PRKN: variants seen among roughly 807,000 people sequenced by gnomAD.
PRKN encodes E3 ubiquitin-protein ligase parkin.
PRKN carries 56 observed loss-of-function variants against 59.5 expected under a neutral mutation model. The ratio of observed to expected loss-of-function variants is 0.94; its 90% CI spans 0.76 to 1.18. The LOEUF is 1.18. Ranked by LOEUF, PRKN falls within the 50% of genes most tolerant of loss-of-function variation. The pLI is 0.00. For synonymous variants in PRKN, 250 were observed against 222.1 expected, an observed-to-expected ratio of 1.13 and a Z score of -1.12; for missense variants, 657 against 596.4, an observed-to-expected ratio of 1.10 and a Z score of -1.06.
chr6:162,720,856 A>C (rs928436838), intron 1 of PRKN, among the ~76,000 whole-genome samples: 2 of 152,218 alleles, frequency 1.3e-5, no homozygotes, highest in Admixed American at 6.5e-5. Context: ...AGCTCTGATG[A>C]CATTGTTCTC....
At position 161,448,698 on chromosome 6, in the gene PRKN, G is replaced by A. The variant is rs980314002; in HGVS notation, c.1084-61821C>T. 1.5e-4 allele frequency among the ~76,000 whole-genome samples: 23 copies of A among 152,142 alleles called. No individual in the cohort carries two copies. The highest frequency in any genetic ancestry group is 3.4e-4 in the Non-Finnish European group (23 of 68,034). ...ATCTGCTTCCTCCTAATTTGTGGGG[G>A]CAAGAGGCTAGACATCTCTGGCTGG... On this transcript the variant is annotated intron_variant, in intron 9 of 11. Coordinates refer to ENST00000366898, the MANE Select transcript of PRKN (RefSeq NM_004562.3). The surrounding 1 kb of genome is among the most constrained non-coding windows in gnomAD (Gnocchi z 5.1).
At position 162,233,207 on chromosome 6, in the gene PRKN, A is replaced by G. The variant is rs76899302; in HGVS notation, c.412+29318T>C. On this transcript the variant is annotated intron_variant, in intron 3 of 11. Transcript: ENST00000366898. ...CCAAGAGGTTTTTAAAACATCTCCA[A>G]TATCTATATGTAAAGGTTATTCATT... is the stretch of plus-strand genomic sequence containing the variant. 5.4e-3 allele frequency among the ~76,000 whole-genome samples: 825 copies of G among 152,320 alleles called. 3 individuals are homozygous for G. Among genetic ancestry groups the G allele is most frequent in the Non-Finnish European group, 9.0e-3 (613 of 68,020 alleles).
intron 1 of PRKN, among the ~76,000 whole-genome samples, chr6:162,534,258 G>A (rs1310848183): frequency 6.6e-6 from 1 of 152,158 alleles, no homozygotes; most frequent in Admixed American, 6.5e-5. Flanking sequence ...AACCGGGGTA[G>A]GCGTACTCTC....
At chr6:162,692,781 G>A (rs1777829895) in intron 1 of PRKN, among the ~76,000 whole-genome samples, 1 of 152,070 alleles carries the variant, frequency 6.6e-6, no homozygotes. Context: ...GTATCATTTT[G>A]CTATATTAAG....
rs181879666 is a variant in PRKN, at chr6:162,305,833, A to G, written c.172-43068T>C. On this transcript the variant is annotated intron_variant, in intron 2 of 11. Coordinates refer to ENST00000366898, the MANE Select transcript of PRKN (RefSeq NM_004562.3). ...AAATTCTATATCTAAAACCATATAT[A>G]CATTTATCATATAGATACACCTATC... Among the ~76,000 whole-genome samples the G allele has an allele frequency of 2.0e-3, 309 of 152,248 alleles. 1 individual carries two copies. Among genetic ancestry groups the G allele is most frequent in the Non-Finnish European group, 3.6e-3 (246 of 68,008 alleles).
Position 162,044,280 on chromosome 6 carries a change from ACTT to A in PRKN, c.618+9808_618+9810del, listed in dbSNP as rs565836038. Among the ~76,000 whole-genome samples the A allele has an allele frequency of 1.8e-3, 277 of 152,278 alleles. 2 individuals are homozygous for A. Among genetic ancestry groups the A allele is most frequent in the African/African-American group, 6.6e-3 (273 of 41,556 alleles). On this transcript the variant is annotated intron_variant, in intron 5 of 11. Transcript: ENST00000366898. ...GAGATTACGCCTATTACGCTAATGA[ACTT>A]CTACAGGAACGAACAAACGAAAAGG...
At chr6:161,424,539 C>G (rs1224596674) in intron 9 of PRKN, among the ~76,000 whole-genome samples, 2 of 151,994 alleles carry the variant, frequency 1.3e-5, no homozygotes, top group African/African-American at 4.8e-5. Flanking sequence ...TTCAGATTGT[C>G]CTAGAACATG....
chr6:162,470,321 G>A (rs112099825), intron 1 of PRKN, among the ~76,000 whole-genome samples: 1 of 152,158 alleles, frequency 6.6e-6, no homozygotes, highest in Non-Finnish European at 1.5e-5. Context: ...TTTAGGCACC[G>A]TGGACACAGC....
intron 3 of PRKN, among the ~76,000 whole-genome samples, chr6:162,217,400 A>AT (rs1197897749): frequency 6.6e-6 from 1 of 152,154 alleles, no homozygotes; most frequent in African/African-American, 2.4e-5. Context: ...TGTTTGTTTG[A>AT]GACACAGTCT....
At chr6:162,382,841 T>G (rs115877713) in intron 2 of PRKN, among the ~76,000 whole-genome samples, 7 of 152,334 alleles carry the variant, frequency 4.6e-5, no homozygotes, top group African/African-American at 1.7e-4. Context: ...CTTTATCAGC[T>G]AAGTTATGCA....
At chr6:161,767,047 C>T (rs1024244270) in intron 7 of PRKN, among the ~76,000 whole-genome samples, 7 of 152,254 alleles carry the variant, frequency 4.6e-5, no homozygotes, top group South Asian at 2.1e-4. Flanking sequence ...TAGAAAGTAA[C>T]GTGACCAAAA....
At chr6:162,502,349 T>A (rs573424666) in intron 1 of PRKN, among the ~76,000 whole-genome samples, 2 of 152,116 alleles carry the variant, frequency 1.3e-5, no homozygotes, top group South Asian at 2.1e-4. Context: ...TTTGTAAAGA[T>A]GAGGTCTCAC....
chr6:161,380,481 G>A (rs1785922611), intron 10 of PRKN, among the ~76,000 whole-genome samples: 1 of 145,776 alleles, frequency 6.9e-6, no homozygotes, highest in African/African-American at 2.6e-5. Flanking sequence ...GCCTGGGCTG[G>A]AGTGCAGTGG....
At chr6:161,650,372 A>C (rs1199086560) in intron 7 of PRKN, among the ~76,000 whole-genome samples, 2 of 152,182 alleles carry the variant, frequency 1.3e-5, no homozygotes, top group Non-Finnish European at 2.9e-5. Context: ...ATGTTGATGT[A>C]TTTAGTGCCT....
At chr6:162,616,784 C>T (rs1472560110) in intron 1 of PRKN, among the ~76,000 whole-genome samples, 1 of 152,156 alleles carries the variant, frequency 6.6e-6, no homozygotes, top group Non-Finnish European at 1.5e-5. Flanking sequence ...AGTACTTTTC[C>T]TTTGCTATAC....
chr6:161,706,399 C>A (rs1469154356), intron 7 of PRKN, among the ~76,000 whole-genome samples: 3 of 152,186 alleles, frequency 2.0e-5, no homozygotes, highest in East Asian at 1.9e-4. Flanking sequence ...TCCCATAACA[C>A]CCCGGGTTCA....
chr6:162,589,382 C>T (rs562692911), intron 1 of PRKN, among the ~76,000 whole-genome samples: 1 of 152,230 alleles, frequency 6.6e-6, no homozygotes, highest in East Asian at 1.9e-4. Context: ...CTCCTACCAT[C>T]CATAAACAGA....
At chr6:162,716,219 G>A (rs1467467278) in intron 1 of PRKN, among the ~76,000 whole-genome samples, 2 of 152,076 alleles carry the variant, frequency 1.3e-5, no homozygotes, top group Non-Finnish European at 2.9e-5. Context: ...CCATATTAGA[G>A]TTTCTCCTAA....
chr6:161,784,627 G>A (rs949780137), intron 7 of PRKN, among the ~76,000 whole-genome samples: 7 of 152,136 alleles, frequency 4.6e-5, no homozygotes, highest in African/African-American at 9.7e-5. Flanking sequence ...AACAAGTGAC[G>A]ACAAGAATGT....
Sources: allele counts gnomAD v4.1 joint callset (sites outside exome capture counted in the v4.1 genomes callset), GRCh38; gene constraint gnomAD v4.1.1; non-coding constraint Gnocchi (gnomAD v3.1); transcripts MANE v1.5; gene names NCBI Gene and HGNC (gene_info 2026-07-23, HGNC 2026-07-21).